TDRD3: variants seen among roughly 807,000 people sequenced by gnomAD.
TDRD3 encodes the protein tudor domain containing 3.
TDRD3 carries 45 observed loss-of-function variants against 86.7 expected under a neutral mutation model. The ratio of observed to expected loss-of-function variants is 0.52; its 90% CI spans 0.41 to 0.67. The LOEUF (loss-of-function observed/expected upper bound fraction) is 0.67. Ranked by LOEUF, TDRD3 falls within the 30% of genes least tolerant of loss-of-function variation. The pLI, the probability that TDRD3 is intolerant of heterozygous loss-of-function variation, is 0.00. For missense variants in TDRD3, 814 were observed against 889.0 expected (o/e 0.92, Z 1.07); for synonymous variants, 298 against 301.7 (o/e 0.99, Z 0.13).
intron 5 of TDRD3, among the ~76,000 whole-genome samples, chr13:60,468,503 G>A (rs775459084): frequency 1.3e-5 from 2 of 151,966 alleles, no homozygotes; most frequent in Non-Finnish European, 2.9e-5. Flanking sequence ...CTCATCTCCT[G>A]TAACAGATAG....
intron 9 of TDRD3, 113 bp downstream of exon 9, chr13:60,510,032 G>A (rs1040715120): frequency 2.4e-6 from 3 of 1,268,554 alleles, no homozygotes; most frequent in Non-Finnish European, 3.2e-6. Context: ...TAACATTATG[G>A]TAAGTGGAAG....
At chr13:60,395,985 TG>T (rs1333338646), upstream of TDRD3, among the ~76,000 whole-genome samples, 1 of 152,210 alleles carries the variant, frequency 6.6e-6, no homozygotes, top group Non-Finnish European at 1.5e-5. Flanking sequence ...CTATGACTTT[TG>T]GGAAGACCAA....
In TDRD3 at chr13:60,458,875, A is replaced by T. The variant is rs373327978; in HGVS notation, c.193-1505A>T. Among the ~76,000 whole-genome samples the T allele has an allele frequency of 7.2e-5, 11 of 152,368 alleles. No individual in the cohort carries two copies. The East Asian group carries it at 1.9e-3, about 27-fold the overall frequency. ...ATGGGATACCAAAATAAACAGAATT[A>T]TGAGCTATAATAACCATAACATGCC... is the stretch of plus-strand genomic sequence containing the variant. On this transcript the variant is annotated intron_variant, in intron 3 of 13. Transcript: ENST00000377881.
rs184805827 is a variant in TDRD3 at position 60,532,134 on chromosome 13, A to T, written c.1992+2917A>T. ...ATAGCTGTGGTGAAAAAATTAAATT[A>T]AAAAAAATCAAAGTACCAAATTTAT... On this transcript the variant is annotated intron_variant, in intron 11 of 13. Transcript: ENST00000377881. Among the ~76,000 whole-genome samples, 757 of 152,070 alleles carry T rather than the reference A, an allele frequency of 5.0e-3. 3 individuals are homozygous for T. The highest frequency in any genetic ancestry group is 0.024 in the Middle Eastern group (7 of 292).
chr13:60,564,667 C>T (rs1012837243), intron 12 of TDRD3, among the ~76,000 whole-genome samples: 1 of 152,086 alleles, frequency 6.6e-6, no homozygotes, highest in African/African-American at 2.4e-5. Context: ...CAGAACTGTG[C>T]CAGCTATAAT....
intron 5 of TDRD3, among the ~76,000 whole-genome samples, chr13:60,482,872 A>G (rs1168745032): frequency 3.3e-5 from 5 of 151,532 alleles, no homozygotes; most frequent in African/African-American, 7.3e-5. Flanking sequence ...TATTTTACAT[A>G]TTTTAATCAT....
At chr13:60,477,604 G>A (rs575010148) in intron 5 of TDRD3, among the ~76,000 whole-genome samples, 2 of 152,126 alleles carry the variant, frequency 1.3e-5, no homozygotes, top group South Asian at 4.2e-4. Context: ...TTTATTGAAG[G>A]CCTTTTCTGC....
At position 60,528,805 on chromosome 13, in the gene TDRD3, A is replaced by G; in HGVS notation, c.1580A>G (p.Asp527Gly). The G allele has an allele frequency of 6.2e-7, 1 of 1,613,872 alleles. No homozygotes were observed. Among genetic ancestry groups the G allele is most frequent in the Non-Finnish European group, 8.5e-7 (1 of 1,179,898 alleles). ...AATCCACTTCCTCAAGGATCTGTAGATTATAATAATCAAAAACGTGGAAAA... is the reference window on the plus strand; with the variant it reads ...AATCCACTTCCTCAAGGATCTGTAGGTTATAATAATCAAAAACGTGGAAAA... ...KENPLPQGSV[D>G]YNNQKRGKRE... Residue 527 changes from aspartate to glycine, a missense_variant, in exon 11 of 14, where the codon GAT (aspartate) becomes GGT (glycine). Asp to Gly is a moderately conservative substitution (Grantham distance 94). Coordinates refer to ENST00000377881, the MANE Select transcript of TDRD3 (RefSeq NM_001146070.2).
intron 2 of TDRD3, among the ~76,000 whole-genome samples, chr13:60,444,242 C>A (rs988865155): frequency 7.2e-5 from 11 of 151,854 alleles, no homozygotes; most frequent in African/African-American, 2.7e-4. Flanking sequence ...CTTTATGTTA[C>A]AGATATCATA....
chr13:60,514,592 G>T (rs964429309), intron 10 of TDRD3, among the ~76,000 whole-genome samples: 1 of 152,166 alleles, frequency 6.6e-6, no homozygotes, highest in African/African-American at 2.4e-5. Context: ...GAGGGGAAGT[G>T]TTGGGGCAGT....
intron 12 of TDRD3, among the ~76,000 whole-genome samples, chr13:60,545,103 G>A (rs967985143): frequency 2.0e-5 from 3 of 151,986 alleles, no homozygotes; most frequent in African/African-American, 7.3e-5. Flanking sequence ...AAAATAGATG[G>A]GTCTATATGC....
chr13:60,553,599 T>C (rs556739665), intron 12 of TDRD3, among the ~76,000 whole-genome samples: 4 of 151,236 alleles, frequency 2.6e-5, no homozygotes, highest in Non-Finnish European at 5.9e-5. Flanking sequence ...TCTGCATGGC[T>C]CGAGAGGTCT....
chr13:60,421,058 G>A (rs1474750763), intron 1 of TDRD3, among the ~76,000 whole-genome samples: 1 of 152,168 alleles, frequency 6.6e-6, no homozygotes, highest in Non-Finnish European at 1.5e-5. Context: ...TTTATGATAA[G>A]TACTGATAAC....
At chr13:60,566,657 T>C (rs969655778) in intron 12 of TDRD3, among the ~76,000 whole-genome samples, 11 of 152,164 alleles carry the variant, frequency 7.2e-5, no homozygotes, top group African/African-American at 2.7e-4. Context: ...ATTTTTTCTC[T>C]CTCTAATAGG....
At chr13:60,501,142 C>T (rs1332875769) in intron 8 of TDRD3, among the ~76,000 whole-genome samples, 3 of 152,220 alleles carry the variant, frequency 2.0e-5, no homozygotes, top group Non-Finnish European at 4.4e-5. Flanking sequence ...AATAGCCACT[C>T]ACTATCTGCC....
At chr13:60,520,810 C>G (rs770399604) in intron 10 of TDRD3, among the ~76,000 whole-genome samples, 54 of 108,780 alleles carry the variant, frequency 5.0e-4, no homozygotes, top group Non-Finnish European at 8.3e-4. Flanking sequence ...CCCAATTTTA[C>G]AAGGTCACAC....
At position 60,435,905 on chromosome 13, in the gene TDRD3, GACA is replaced by G. The variant is rs368922668; in HGVS notation, c.42-3779_42-3777del. The stretch of plus-strand genomic sequence containing the variant: ...CTGCCAGCAGTGTAAACCACATCAT[GACA>G]ACATCTATGGTTTTTTTTTTTTTAC... On this transcript the variant is annotated intron_variant, in intron 1 of 13. Transcript: ENST00000377881. Among the ~76,000 whole-genome samples, 360 of 112,336 alleles carry G rather than the reference GACA, an allele frequency of 3.2e-3. 4 individuals carry two copies. Among genetic ancestry groups the G allele is most frequent in the African/African-American group, 9.0e-3 (339 of 37,614 alleles). 73.7% of individuals were successfully genotyped at this position (112,336 alleles called of 152,430 possible).
intron 12 of TDRD3, among the ~76,000 whole-genome samples, chr13:60,544,600 A>G (rs985444196): frequency 6.6e-6 from 1 of 152,290 alleles, no homozygotes; most frequent in South Asian, 2.1e-4. Context: ...TCTTTTATTA[A>G]TAGGCTACTG....
intron 5 of TDRD3, among the ~76,000 whole-genome samples, chr13:60,471,065 A>G (rs866806771): frequency 1.3e-5 from 2 of 152,192 alleles, no homozygotes; most frequent in Non-Finnish European, 2.9e-5. Context: ...CTAGATATCA[A>G]TTCCTACTAA....
Sources: allele counts gnomAD v4.1 joint callset (sites outside exome capture counted in the v4.1 genomes callset), GRCh38; gene constraint gnomAD v4.1.1; transcripts MANE v1.5; gene names NCBI Gene and HGNC (gene_info 2026-07-23, HGNC 2026-07-21).